DPY19L1: variants seen among roughly 807,000 people sequenced by gnomAD.
The protein encoded by DPY19L1 is dpy-19 like C-mannosyltransferase 1, also known as protein C-mannosyl-transferase DPY19L1.
In DPY19L1, 35 loss-of-function variants were observed where a neutral mutation model predicts 96.9. The ratio of observed to expected loss-of-function variants is 0.36; its 90% confidence interval spans 0.28 to 0.48. The LOEUF is 0.48. Ranked by LOEUF, DPY19L1 falls within the 20% of genes least tolerant of loss-of-function variation. DPY19L1 has a pLI of 0.99. For missense variants in DPY19L1, 521 were observed against 777.9 expected, an observed-to-expected ratio of 0.67 and a Z score of 3.93; for synonymous variants, 205 against 252.6, an observed-to-expected ratio of 0.81 and a Z score of 1.79.
At chr7:35,017,096 T>C (rs76214738) in intron 3 of DPY19L1, among the ~76,000 whole-genome samples, 4,855 of 152,166 alleles carry the variant, frequency 0.032, 125 homozygotes, top group African/African-American at 0.075. Context: ...CCAGTATGTC[T>C]TGTGCCATGG....
intron 2 of DPY19L1, 106 bp from the exon 3 acceptor site, chr7:35,018,075 T>C: frequency 1.4e-6 from 1 of 720,722 alleles, no homozygotes; most frequent in African/African-American, 1.8e-5. Flanking sequence ...TTGCAGATAA[T>C]TTTGTAATAA....
intron 10 of DPY19L1, among the ~76,000 whole-genome samples, chr7:34,959,925 T>TTATA (rs66774079): frequency 2.3e-5 from 3 of 127,942 alleles, no homozygotes; most frequent in African/African-American, 8.3e-5. Flanking sequence ...ATATATATAT[T>TTATA]TATATATATA....
At chr7:35,012,333 A>G (rs1355370188) in intron 4 of DPY19L1, among the ~76,000 whole-genome samples, 1 of 151,990 alleles carries the variant, frequency 6.6e-6, no homozygotes, top group East Asian at 1.9e-4. Context: ...TGCTTCATTC[A>G]TCCCCCTTCA....
chr7:34,944,887 T>C (rs1204240173), intron 16 of DPY19L1, among the ~76,000 whole-genome samples: 6 of 152,196 alleles, frequency 3.9e-5, no homozygotes, highest in Non-Finnish European at 5.9e-5. Context: ...CCTCCCACTC[T>C]TGCAAGCATT....
At chr7:34,950,196 T>C (rs1784241800) in intron 13 of DPY19L1, among the ~76,000 whole-genome samples, 1 of 152,062 alleles carries the variant, frequency 6.6e-6, no homozygotes. Flanking sequence ...CCGCACAGCA[T>C]CTCCCTTGCT....
intron 1 of DPY19L1, among the ~76,000 whole-genome samples, 180 bp downstream of exon 1, chr7:35,036,917 A>G (rs762685291): frequency 1.9e-4 from 28 of 150,144 alleles, no homozygotes; most frequent in Non-Finnish European, 2.2e-4. Context: ...TGCGGGGAGG[A>G]GAAGGTAAGA....
chr7:34,988,311 C>A (rs892775183), intron 7 of DPY19L1: 4 of 152,102 alleles, frequency 2.6e-5, no homozygotes, highest in Non-Finnish European at 5.9e-5. Flanking sequence ...CTTCTTTCTT[C>A]CATTATTAAA....
rs796293464 is a variant in DPY19L1 at position 34,930,910 on chromosome 7, G to C, written c.*663C>G. The C allele has an allele frequency of 6.6e-6, 1 of 152,086 alleles. No homozygotes were observed. Among genetic ancestry groups the C allele is most frequent in the Non-Finnish European group, 1.5e-5 (1 of 68,008 alleles). The allele number at this position is 152,086 out of a possible 1,614,324, so 9.4% of individuals were successfully genotyped here. A position where few individuals can be genotyped will look rare whatever the true frequency, so the allele number is the denominator to read the frequency against. On this transcript the variant is annotated 3_prime_UTR_variant, in exon 22 of 22. Transcript: ENST00000638088. ...AGAGAGAGCAAGAGAGAGAGAGAAA[G>C]AGACACGATAATGCCATATGGCTGG...
intron 10 of DPY19L1, among the ~76,000 whole-genome samples, chr7:34,959,721 G>C (rs35593517): frequency 0.053 from 8,030 of 151,286 alleles, 309 homozygotes; most frequent in Middle Eastern, 0.18. Context: ...TTGGGGGCTG[G>C]GGGGCTAGGG....
At chr7:34,958,152 C>T in intron 10 of DPY19L1, 82 bp from the exon 11 acceptor site, 2 of 867,264 alleles carry the variant, frequency 2.3e-6, no homozygotes. Flanking sequence ...CTGCACATGC[C>T]CATAATAAAC....
At chr7:35,019,781 CTTT>C (rs1480590295) in intron 1 of DPY19L1, among the ~76,000 whole-genome samples, 1 of 152,046 alleles carries the variant, frequency 6.6e-6, no homozygotes, top group African/African-American at 2.4e-5. Flanking sequence ...TGTCATTTGA[CTTT>C]TTTTAATAAG....
intron 7 of DPY19L1, among the ~76,000 whole-genome samples, chr7:34,979,731 A>C (rs1035946383): frequency 6.6e-6 from 1 of 152,182 alleles, no homozygotes; most frequent in African/African-American, 2.4e-5. Context: ...TCTAGAGATT[A>C]ATAAAATATG....
At chr7:34,939,516 G>A in intron 19 of DPY19L1, 141 bp from the exon 20 acceptor site, 1 of 602,682 alleles carries the variant, frequency 1.7e-6, no homozygotes. Context: ...GGCAGAACTA[G>A]CATGAAGTCA....
intron 10 of DPY19L1, among the ~76,000 whole-genome samples, chr7:34,966,264 C>T (rs754435027): frequency 6.6e-5 from 10 of 152,078 alleles, no homozygotes; most frequent in Non-Finnish European, 1.3e-4. Context: ...TGGTGTATTC[C>T]ACATGCCTTG....
At chr7:34,949,586 T>C (rs183013768) in intron 14 of DPY19L1, among the ~76,000 whole-genome samples, 1 of 152,220 alleles carries the variant, frequency 6.6e-6, no homozygotes. Context: ...AGTCTGAATG[T>C]GTATTTCTAA....
At chr7:35,001,891 T>G (rs1785434319) in intron 6 of DPY19L1, among the ~76,000 whole-genome samples, 1 of 151,960 alleles carries the variant, frequency 6.6e-6, no homozygotes, top group African/African-American at 2.4e-5. Flanking sequence ...TTTGGGAGGC[T>G]GAGGCGGGCG....
chr7:34,966,882 A>C lies in DPY19L1; in HGVS notation c.1092+12T>G. 1.3e-6 allele frequency: 2 copies of C among 1,516,472 alleles called. No individual in the cohort carries two copies. Among genetic ancestry groups the C allele is most frequent in the Non-Finnish European group, 1.8e-6 (2 of 1,130,484 alleles). 93.9% of individuals were successfully genotyped at this position (1,516,472 alleles called of 1,614,324 possible). A position where few individuals can be genotyped will look rare whatever the true frequency, so the allele number is the denominator to read the frequency against. ...GCAAACTAAATGGAAAAGAACAATA[A>C]AAAATTATTACCATGTGTATATAAA... On this transcript the variant is annotated intron_variant, in intron 10 of 21. Coordinates refer to ENST00000638088, the MANE Select transcript of DPY19L1 (RefSeq NM_001366673.1).
upstream of DPY19L1, chr7:35,037,983 G>T (rs1370336980): frequency 9.2e-7 from 1 of 1,091,492 alleles, no homozygotes. Flanking sequence ...TGCGCTTGGA[G>T]CCCGCGCAGG....
At chr7:34,945,860 A>T (rs1000671968) in intron 15 of DPY19L1, 144 bp from the exon 16 acceptor site, 1 of 650,272 alleles carries the variant, frequency 1.5e-6, no homozygotes, top group African/African-American at 1.9e-5. Flanking sequence ...ACAACAACAT[A>T]ATCTTATATT....
Sources: gnomAD v4.1 joint callset for allele counts (sites outside exome capture counted in the v4.1 genomes callset) on GRCh38, gnomAD v4.1.1 for gene constraint, MANE v1.5 for transcripts, NCBI Gene and HGNC (gene_info 2026-07-23, HGNC 2026-07-21) for gene names.